TMC1: variants seen among roughly 807,000 people sequenced by gnomAD.
TMC1 encodes the protein transmembrane channel-like protein 1.
A neutral mutation model predicts 105.8 loss-of-function variants in TMC1; 84 were observed. The observed-to-expected ratio is 0.79, with a 90% CI of 0.67 to 0.95. The LOEUF (loss-of-function observed/expected upper bound fraction) is 0.95, where lower values mean the gene tolerates loss of function less well. Ranked by LOEUF, TMC1 falls within the 40% of genes least tolerant of loss-of-function variation. The probability of loss-of-function intolerance (pLI) is 0.00; values close to 1 mark genes in which losing one functional copy is unlikely to be tolerated. For synonymous variants in TMC1, 315 were observed against 311.5 expected (o/e 1.01, Z -0.12); for missense variants, 817 against 914.1 (o/e 0.89, Z 1.37).
chr9:72,544,552 T>C (rs1223652872), intron 1 of TMC1, among the ~76,000 whole-genome samples: 1 of 148,880 alleles, frequency 6.7e-6, no homozygotes, highest in Non-Finnish European at 1.5e-5. Flanking sequence ...CAATCTCGGC[T>C]CACTGCAACC....
chr9:72,829,610 A>C (rs1829010705), intron 21 of TMC1, among the ~76,000 whole-genome samples: 1 of 152,204 alleles, frequency 6.6e-6, no homozygotes, highest in South Asian at 2.1e-4. Flanking sequence ...CTCATGTAAG[A>C]GATAAACAAA....
At chr9:72,642,885 C>T (rs979757694) in intron 4 of TMC1, among the ~76,000 whole-genome samples, 6 of 152,154 alleles carry the variant, frequency 3.9e-5, no homozygotes, top group Admixed American at 3.9e-4. Flanking sequence ...AAAATTCTCT[C>T]AAGCCTCTTT....
chr9:72,678,609 T>A (rs934066253), intron 5 of TMC1, among the ~76,000 whole-genome samples: 8 of 152,160 alleles, frequency 5.3e-5, no homozygotes, highest in Admixed American at 3.3e-4. Context: ...ATCTTAATTT[T>A]TAGCTTTTTA....
At chr9:72,799,964 T>G (rs142791322) in intron 17 of TMC1, among the ~76,000 whole-genome samples, 111 of 152,246 alleles carry the variant, frequency 7.3e-4, no homozygotes, top group African/African-American at 2.5e-3. Flanking sequence ...GTTGGAATGA[T>G]GTGCTTTAAA....
At chr9:72,586,814 G>A (rs964118434) in intron 2 of TMC1, among the ~76,000 whole-genome samples, 1 of 152,208 alleles carries the variant, frequency 6.6e-6, no homozygotes, top group African/African-American at 2.4e-5. Context: ...AGGGTGACCA[G>A]AGTCCAAGTA....
intron 1 of TMC1, among the ~76,000 whole-genome samples, chr9:72,546,563 C>T (rs970344640): frequency 6.6e-6 from 1 of 152,186 alleles, no homozygotes; most frequent in Admixed American, 6.6e-5. Flanking sequence ...TGTAAATGGC[C>T]ATTTCCTTAT....
chr9:72,607,002 T>TATATATATATAGAG (rs372785242), intron 2 of TMC1, among the ~76,000 whole-genome samples: 6 of 134,906 alleles, frequency 4.4e-5, no homozygotes, highest in African/African-American at 1.7e-4. Flanking sequence ...TATATATATA[T>TATATATATATAGAG]AGAGAGAGAG....
At chr9:72,784,470 G>A (rs897301138) in intron 13 of TMC1, among the ~76,000 whole-genome samples, 11 of 152,160 alleles carry the variant, frequency 7.2e-5, no homozygotes, top group South Asian at 6.2e-4. Context: ...GGAGAAAAGG[G>A]AACACTTAGA....
intron 12 of TMC1, among the ~76,000 whole-genome samples, chr9:72,767,150 G>A (rs1361766009): frequency 1.3e-5 from 2 of 152,214 alleles, no homozygotes; most frequent in South Asian, 2.1e-4. Context: ...ACAACTCAGA[G>A]AAAAGTAGAA....
chr9:72,687,558 G>A (rs1826397748), intron 5 of TMC1, among the ~76,000 whole-genome samples: 1 of 152,186 alleles, frequency 6.6e-6, no homozygotes, highest in African/African-American at 2.4e-5. Context: ...TTCACATTCT[G>A]TGGCTGATGT....
chr9:72,618,622 G>A (rs1825187004), intron 3 of TMC1, among the ~76,000 whole-genome samples: 1 of 151,972 alleles, frequency 6.6e-6, no homozygotes, highest in Admixed American at 6.6e-5. Context: ...ATCCTGAATA[G>A]TTTTCAATAA....
At chr9:72,643,591 T>C (rs1024809241) in intron 4 of TMC1, among the ~76,000 whole-genome samples, 2 of 152,214 alleles carry the variant, frequency 1.3e-5, no homozygotes, top group African/African-American at 2.4e-5. Flanking sequence ...TGCAGCACAA[T>C]TATTTTGCCA....
At chr9:72,615,227 TCTC>T (rs1049418301) in intron 2 of TMC1, among the ~76,000 whole-genome samples, 3 of 152,170 alleles carry the variant, frequency 2.0e-5, no homozygotes, top group Non-Finnish European at 4.4e-5. Flanking sequence ...CTATTTTAAT[TCTC>T]CTGGTAAACT....
At chr9:72,649,075 A>G (rs987486709) in intron 5 of TMC1, among the ~76,000 whole-genome samples, 2 of 152,208 alleles carry the variant, frequency 1.3e-5, no homozygotes, top group Non-Finnish European at 2.9e-5. Context: ...GAGTTAAGCA[A>G]AGTTCTAAAT....
At chr9:72,568,625 C>T (rs1306027674) in intron 1 of TMC1, among the ~76,000 whole-genome samples, 1 of 152,056 alleles carries the variant, frequency 6.6e-6, no homozygotes, top group Non-Finnish European at 1.5e-5. Flanking sequence ...TGTTCTTGAC[C>T]TACATTCTTA....
intron 2 of TMC1, among the ~76,000 whole-genome samples, chr9:72,609,218 TTCC>T: frequency 6.6e-6 from 1 of 150,628 alleles, no homozygotes; most frequent in Non-Finnish European, 1.5e-5. Flanking sequence ...CCTTCCTTCC[TTCC>T]TTCCTTCCTT....
At chr9:72,540,328 C>G (rs188516295) in intron 1 of TMC1, among the ~76,000 whole-genome samples, 1 of 152,260 alleles carries the variant, frequency 6.6e-6, no homozygotes, top group Non-Finnish European at 1.5e-5. Context: ...TCATGCTCAG[C>G]CTGTACTATC....
chr9:72,619,121 T>G (rs974577763), intron 3 of TMC1, among the ~76,000 whole-genome samples: 5 of 152,078 alleles, frequency 3.3e-5, no homozygotes, highest in Non-Finnish European at 7.4e-5. Context: ...GCAGATACAC[T>G]ATGAAAGACT....
intron 12 of TMC1, among the ~76,000 whole-genome samples, chr9:72,756,236 C>G (rs1827674527): frequency 1.3e-5 from 2 of 152,078 alleles, no homozygotes; most frequent in African/African-American, 2.4e-5. Flanking sequence ...TGACATGATT[C>G]TTGACTTCAG....
Sources: gnomAD v4.1 joint callset for allele counts (sites outside exome capture counted in the v4.1 genomes callset) on GRCh38, gnomAD v4.1.1 for gene constraint, MANE v1.5 for transcripts, NCBI Gene and HGNC (gene_info 2026-07-23, HGNC 2026-07-21) for gene names.